The following SOD2 variants were observed in gnomAD, a reference collection of about 807,000 sequenced individuals.
SOD2 encodes superoxide dismutase 2.
SOD2 carries 11 observed loss-of-function variants against 27.0 expected under a neutral mutation model. That is an observed-to-expected ratio of 0.41 (90% CI 0.26 to 0.67). The LOEUF (loss-of-function observed/expected upper bound fraction) is 0.67, where lower values mean the gene tolerates loss of function less well. SOD2 is among the 30% of genes least tolerant of loss of function. The pLI, the probability that SOD2 is intolerant of heterozygous loss-of-function variation, is 0.34. For missense variants in SOD2, 250 were observed against 274.5 expected (o/e 0.91, Z 0.63); for synonymous variants, 105 against 103.0 (o/e 1.02, Z -0.12).
intron 1 of SOD2, 38 bp downstream of exon 1, chr6:159,693,107 C>T: frequency 2.0e-6 from 3 of 1,524,146 alleles, no homozygotes; most frequent in Non-Finnish European, 1.8e-6. Flanking sequence ...CGAGCCCCTT[C>T]GCCCTTGGGG....
chr6:159,753,716 C>A (rs1414268742), intron 1 of SOD2: 2 of 1,382,874 alleles, frequency 1.4e-6, no homozygotes, highest in Non-Finnish European at 1.9e-6. Context: ...ACATTGTTAA[C>A]CTCTGCCCTA....
At chr6:159,761,982 G>GA in exon 1 of SOD2, 2 of 1,316,162 alleles carry the variant, frequency 1.5e-6, no homozygotes, top group Non-Finnish European at 2.1e-6. Context: ...GGAGGGCGAG[G>GA]GGCGGGGCTA....
At chr6:159,731,963 CTG>C (rs1778599019), upstream of SOD2, among the ~76,000 whole-genome samples, 1 of 151,944 alleles carries the variant, frequency 6.6e-6, no homozygotes, top group Non-Finnish European at 1.5e-5. Flanking sequence ...ATATGGATAC[CTG>C]TCTTTAAGAA....
intron 1 of SOD2, among the ~76,000 whole-genome samples, chr6:159,722,571 G>A (rs1159570422): frequency 6.6e-6 from 1 of 152,064 alleles, no homozygotes; most frequent in Admixed American, 6.6e-5. Context: ...GCAATCAATT[G>A]TATTCATTTT....
chr6:159,753,222 A>G (rs1779883189), intron 1 of SOD2: 1 of 513,620 alleles, frequency 1.9e-6, no homozygotes. Context: ...TTGATGTAAT[A>G]GAAACAAGGT....
At chr6:159,703,148 C>A (rs987350236) in intron 1 of SOD2, among the ~76,000 whole-genome samples, 1 of 152,054 alleles carries the variant, frequency 6.6e-6, no homozygotes, top group African/African-American at 2.4e-5. Flanking sequence ...GACCCCGTCT[C>A]TACAAAAAAT....
At chr6:159,747,369 A>G (rs1166083431), upstream of SOD2, among the ~76,000 whole-genome samples, 6 of 152,186 alleles carry the variant, frequency 3.9e-5, no homozygotes, top group Admixed American at 3.9e-4. Flanking sequence ...TAGTCCCGCT[A>G]TGGCACTGAA....
intron 1 of SOD2, among the ~76,000 whole-genome samples, chr6:159,702,654 C>CAAAAA (rs750073120): frequency 2.6e-3 from 104 of 39,470 alleles, no homozygotes; most frequent in South Asian, 4.7e-3. Context: ...TCTATCTCTC[C>CAAAAA]AAAAAAAAAA....
At position 159,676,128 on chromosome 6, in the gene SOD2, A is replaced by G. The variant is rs539142200; in HGVS notation, c.*6365T>C. The G allele has an allele frequency of 6.6e-6, 1 of 152,334 alleles. No individual in the cohort carries two copies. Among genetic ancestry groups the G allele is most frequent in the Non-Finnish European group, 1.5e-5 (1 of 68,036 alleles). 9.4% of individuals were successfully genotyped at this position (152,334 alleles called of 1,614,324 possible). A position where few individuals can be genotyped will look rare whatever the true frequency, so the allele number is the denominator to read the frequency against. On this transcript the variant is annotated 3_prime_UTR_variant, in exon 5 of 5. Coordinates refer to ENST00000538183, the MANE Select transcript of SOD2 (RefSeq NM_000636.4). Reference sequence around the variant, plus strand: ...GCTGGAGAGGATGTGGAGAAATAGGAACACTTTTACACTGGTGGTGGGACT... The same window carrying G: ...GCTGGAGAGGATGTGGAGAAATAGGGACACTTTTACACTGGTGGTGGGACT...
At chr6:159,692,198 A>C in intron 2 of SOD2, 1 of 317,490 alleles carries the variant, frequency 3.1e-6, no homozygotes, top group South Asian at 1.3e-4. Flanking sequence ...TGCGGACCCG[A>C]TGATGTCTGG....
intron 2 of SOD2, chr6:159,692,295 A>T: frequency 2.6e-6 from 2 of 761,828 alleles, no homozygotes; most frequent in Non-Finnish European, 3.7e-6. Flanking sequence ...AGCACATTAT[A>T]CAACAAGAAC....
chr6:159,748,932 G>A, upstream of SOD2: 1 of 1,138,998 alleles, frequency 8.8e-7, no homozygotes. This position sits in a 1 kb window ranked among gnomAD's most constrained non-coding sequence, Gnocchi z 5.6. Context: ...AAACTCAAAT[G>A]AGGTGAATTT....
At position 159,672,005 on chromosome 6, in the gene SOD2, A is replaced by C. The variant is rs1039384190; in HGVS notation, c.*10488T>G. 1.3e-5 allele frequency: 2 copies of C among 152,262 alleles called. No homozygotes were observed. Among genetic ancestry groups the C allele is most frequent in the South Asian group, 4.1e-4 (2 of 4,838 alleles). 9.4% of individuals were successfully genotyped at this position (152,262 alleles called of 1,614,324 possible). A position where few individuals can be genotyped will look rare whatever the true frequency, so the allele number is the denominator to read the frequency against. ...GAAAGGTTATCAGTGATTGAAGATC[A>C]GATGAATGAAATGAAGTGAGAAGAG... On this transcript the variant is annotated 3_prime_UTR_variant, in exon 5 of 5. Coordinates refer to ENST00000538183, the MANE Select transcript of SOD2 (RefSeq NM_000636.4).
At position 159,693,208 on chromosome 6, in the gene SOD2, T is replaced by C. The variant is rs1777321143; in HGVS notation, c.-41A>G. On this transcript the variant is annotated 5_prime_UTR_variant, in exon 1 of 5. Transcript: ENST00000538183. ...GCTACCGCTGATGCCGCCGATCTGC[T>C]GAAGCCGCTGCCGAAGCCACCACAG... 2.7e-6 allele frequency: 4 copies of C among 1,507,028 alleles called. No homozygotes were observed. Among genetic ancestry groups the C allele is most frequent in the East Asian group, 2.7e-5 (1 of 36,550 alleles). The allele number at this position is 1,507,028 out of a possible 1,614,324, so 93.4% of individuals were successfully genotyped here.
At chr6:159,705,511 A>C (rs1178613661) in intron 1 of SOD2, among the ~76,000 whole-genome samples, 1 of 152,244 alleles carries the variant, frequency 6.6e-6, no homozygotes, top group African/African-American at 2.4e-5. Flanking sequence ...AACTGGAAGA[A>C]AGGGTATCAG....
rs1032863138 is a variant in SOD2, at chr6:159,681,515, G to C, written c.*978C>G. The C allele has an allele frequency of 1.3e-5, 2 of 152,192 alleles. No homozygotes were observed. The highest frequency in any genetic ancestry group is 6.5e-5 in the Admixed American group (1 of 15,268). The allele number at this position is 152,192 out of a possible 1,614,324, so 9.4% of individuals were successfully genotyped here. On this transcript the variant is annotated 3_prime_UTR_variant, in exon 5 of 5. Transcript: ENST00000538183. ...TAATGTTCCTTTCTGCGGACCCCAA[G>C]TTTTTAGACAAAGCTTTGCTTCCTT...
chr6:159,684,250 A>T (rs927959123), intron 4 of SOD2, among the ~76,000 whole-genome samples: 1 of 150,480 alleles, frequency 6.6e-6, no homozygotes, highest in South Asian at 2.1e-4. Context: ...TCTATAGCTA[A>T]TTTTTTTTTT....
At position 159,674,707 on chromosome 6, in the gene SOD2, C is replaced by T. The variant is rs1279230986; in HGVS notation, c.*7786G>A. ...GGCACAAGACAGGGATGCCCTCTCTCACCACTCCTATTCAACATAGTGTTG... is the reference window on the plus strand; with the variant it reads ...GGCACAAGACAGGGATGCCCTCTCTTACCACTCCTATTCAACATAGTGTTG... On this transcript the variant is annotated 3_prime_UTR_variant, in exon 5 of 5. Transcript: ENST00000538183. The T allele has an allele frequency of 1.3e-5, 2 of 152,244 alleles. No individual in the cohort carries two copies. The highest frequency in any genetic ancestry group is 2.9e-5 in the Non-Finnish European group (2 of 68,046). 9.4% of individuals were successfully genotyped at this position (152,244 alleles called of 1,614,324 possible).
At chr6:159,736,361 T>TA in intron 1 of SOD2, 2 of 1,297,498 alleles carry the variant, frequency 1.5e-6, no homozygotes, top group Non-Finnish European at 2.2e-6. Flanking sequence ...TTTAAGCACT[T>TA]TAAAAAAAAA....
Sources: allele counts gnomAD v4.1 joint callset (sites outside exome capture counted in the v4.1 genomes callset), GRCh38; gene constraint gnomAD v4.1.1; non-coding constraint Gnocchi (gnomAD v3.1); transcripts MANE v1.5; gene names NCBI Gene and HGNC (gene_info 2026-07-23, HGNC 2026-07-21).